Variants in CFAP74 observed in about 807,000 individuals in gnomAD.
CFAP74 encodes cilia- and flagella-associated protein 74.
Under a neutral mutation model 188.9 loss-of-function variants are expected in CFAP74, and 124 were observed. The observed-to-expected ratio is 0.66, with a 90% CI of 0.57 to 0.76. CFAP74 has a LOEUF of 0.76. Among genes scored for constraint, CFAP74 ranks in the 30% least tolerant of loss-of-function variants. The probability of loss-of-function intolerance (pLI) is 0.00; values close to 1 mark genes in which losing one functional copy is unlikely to be tolerated. For missense variants in CFAP74, 2,198 were observed against 2,165.2 expected (o/e 1.02, Z -0.30); for synonymous variants, 956 against 916.7 (o/e 1.04, Z -0.77).
At chr1:1,955,316 C>T (rs1285976166) in intron 18 of CFAP74, 5 of 1,193,594 alleles carry the variant, frequency 4.2e-6, no homozygotes, top group South Asian at 2.5e-5. Context: ...CACCTCTCCC[C>T]GCTGGTGCGC....
At chr1:1,925,738 C>T (rs1429232624) in intron 33 of CFAP74, 45 bp downstream of exon 33, 5 of 1,585,874 alleles carry the variant, frequency 3.2e-6, no homozygotes, top group Non-Finnish European at 4.3e-6. Context: ...GTGGAAACCC[C>T]TCCTGGGAGG....
intron 27 of CFAP74, 165 bp from the exon 28 acceptor site, chr1:1,927,911 C>G: frequency 1.5e-6 from 1 of 679,806 alleles, no homozygotes; most frequent in Non-Finnish European, 2.4e-6. Context: ...GTAGCCAGTG[C>G]GGAGGGGCAC....
intron 2 of CFAP74, among the ~76,000 whole-genome samples, chr1:1,990,398 G>T (rs375530465): frequency 2.0e-5 from 3 of 150,558 alleles, no homozygotes; most frequent in East Asian, 2.0e-4. Flanking sequence ...CGGGGGGCAG[G>T]GGGGAGAAGG....
At chr1:1,992,428 A>C (rs969359330) in intron 1 of CFAP74, among the ~76,000 whole-genome samples, 2 of 151,892 alleles carry the variant, frequency 1.3e-5, no homozygotes, top group African/African-American at 4.8e-5. Context: ...TCAACCTCCC[A>C]AAGTGCTGGG....
At chr1:1,964,588 G>C (rs919788834) in intron 13 of CFAP74, among the ~76,000 whole-genome samples, 4 of 152,210 alleles carry the variant, frequency 2.6e-5, no homozygotes, top group African/African-American at 9.7e-5. Context: ...TCAGGAGTTC[G>C]AGACCAGCCT....
intron 11 of CFAP74, among the ~76,000 whole-genome samples, chr1:1,967,029 G>A (rs572038254): frequency 6.6e-6 from 1 of 152,112 alleles, no homozygotes; most frequent in African/African-American, 2.4e-5. Flanking sequence ...GTAGAGATGG[G>A]GTTTCACTAT....
Position 1,974,206 on chromosome 1 carries a change from CAA to C in CFAP74, c.501-10_501-9del, listed in dbSNP as rs1656288080. On this transcript the variant is annotated splice_polypyrimidine_tract_variant and intron_variant, in intron 6 of 38. Coordinates refer to ENST00000682832, the MANE Select transcript of CFAP74 (RefSeq NM_001304360.2). ...ATGTGCCACATGGTGTTCCTTCAAA[CAA>C]GAGGCAAAGCAGCTGGAGACGGGCC... The C allele has an allele frequency of 4.4e-6, 7 of 1,584,396 alleles. No homozygotes were observed. The highest frequency in any genetic ancestry group is 6.0e-6 in the Non-Finnish European group (7 of 1,161,098).
Position 1,946,416 on chromosome 1 carries a change from G to A in CFAP74, c.2265C>T (p.Pro755=). Residue 755 remains proline (P), a synonymous_variant, in exon 20 of 39, where the codon CCC becomes CCT. Coordinates refer to ENST00000682832, the MANE Select transcript of CFAP74 (RefSeq NM_001304360.2). ...LGEVTEGEIG[P]FSSIKVPIVF... is the part of the protein sequence containing the mutation. ...CGATGGGCACCTTGATGGAGCTGAA[G>A]GGGCCAATTTCCCCTTCTGTTACCT... 3 of 1,536,848 alleles carry A rather than the reference G, an allele frequency of 2.0e-6. No individual in the cohort carries two copies. The highest frequency in any genetic ancestry group is 2.6e-6 in the Non-Finnish European group (3 of 1,146,668).
chr1:1,956,208 C>T lies in CFAP74; in HGVS notation c.2017-358G>A, dbSNP rs1654613210. ...TCTCTCCACCTGAGCCTTGGGACAC[C>T]CATACCCGTGACAGGACAAGACGCG... is the stretch of plus-strand genomic sequence containing the variant. On this transcript the variant is annotated intron_variant, in intron 17 of 38. Coordinates refer to ENST00000682832, the MANE Select transcript of CFAP74 (RefSeq NM_001304360.2). Among the ~76,000 whole-genome samples the T allele has an allele frequency of 2.6e-5, 4 of 152,334 alleles. No homozygotes were observed. In the South Asian group the frequency reaches 8.3e-4, roughly 32 times the overall value.
At chr1:1,998,513 G>A (rs556283911) in intron 1 of CFAP74, among the ~76,000 whole-genome samples, 4 of 152,208 alleles carry the variant, frequency 2.6e-5, no homozygotes, top group South Asian at 2.1e-4. Context: ...CTGGGGCTTC[G>A]TATTATCATT....
rs752610062 is a variant in CFAP74 at position 1,968,624 on chromosome 1, G to A, written c.1245+11C>T. On this transcript the variant is annotated intron_variant, in intron 11 of 38. Transcript: ENST00000682832. The surrounding 1 kb of genome is among the most constrained non-coding windows in gnomAD (Gnocchi z 4.3). ...GTGCGGCTTCTGTCTACAGGAAGGC[G>A]TTTTGCTCACCAGTGTGTACGTGTT... is the stretch of plus-strand genomic sequence containing the variant. 1.9e-6 allele frequency: 3 copies of A among 1,610,968 alleles called. No individual in the cohort carries two copies. The highest frequency in any genetic ancestry group is 1.1e-5 in the South Asian group (1 of 90,978).
In CFAP74 at chr1:1,968,016, A is replaced by G. The variant is rs781732283; in HGVS notation, c.1245+619T>C. ...AGTGAATGAGTGAGCGAATGAGTGA[A>G]TGAATGAGTGAATGAGTGAATGAAT... On this transcript the variant is annotated intron_variant, in intron 11 of 38. Coordinates refer to ENST00000682832, the MANE Select transcript of CFAP74 (RefSeq NM_001304360.2). The surrounding 1 kb of genome is among the most constrained non-coding windows in gnomAD (Gnocchi z 4.3). 1.7e-3 allele frequency among the ~76,000 whole-genome samples: 153 copies of G among 92,636 alleles called. No homozygotes were observed. The highest frequency in any genetic ancestry group is 4.3e-3 in the African/African-American group (120 of 27,966). The allele number at this position is 92,636 out of a possible 152,430, so 60.8% of individuals were successfully genotyped here. A position where few individuals can be genotyped will look rare whatever the true frequency, so the allele number is the denominator to read the frequency against.
At chr1:2,002,417 C>A (rs1346577080) in intron 1 of CFAP74, among the ~76,000 whole-genome samples, 1 of 150,972 alleles carries the variant, frequency 6.6e-6, no homozygotes, top group Admixed American at 6.6e-5. Context: ...TGGTGGCTCA[C>A]CGCCTGTAAT....
At chr1:1,946,507 A>G in intron 19 of CFAP74, 68 bp from the exon 20 acceptor site, 1 of 1,456,676 alleles carries the variant, frequency 6.9e-7, no homozygotes, top group Middle Eastern at 1.8e-4. Flanking sequence ...CCCAACCCTC[A>G]CAATGGCATG....
chr1:1,994,779 G>A (rs1313073101), intron 1 of CFAP74, among the ~76,000 whole-genome samples: 3 of 152,152 alleles, frequency 2.0e-5, no homozygotes, highest in African/African-American at 4.8e-5. Flanking sequence ...GGTTAAAGAC[G>A]GCACTTCCAA....
At chr1:1,948,212 C>T (rs975660401) in intron 18 of CFAP74, among the ~76,000 whole-genome samples, 24 of 152,166 alleles carry the variant, frequency 1.6e-4, no homozygotes, top group South Asian at 8.3e-4. Flanking sequence ...GCGGCTGCCT[C>T]AGGAGTCACC....
At chr1:1,938,037 C>T (rs1558000948) in intron 25 of CFAP74, among the ~76,000 whole-genome samples, 1 of 126,814 alleles carries the variant, frequency 7.9e-6, no homozygotes, top group Non-Finnish European at 1.7e-5. Flanking sequence ...CACATGCTCA[C>T]ACATACATGC....
chr1:1,971,001 CACACCT>C (rs1178143908), intron 9 of CFAP74, among the ~76,000 whole-genome samples, 185 bp from the exon 10 acceptor site: 2 of 150,768 alleles, frequency 1.3e-5, no homozygotes, highest in Non-Finnish European at 3.0e-5. Context: ...CACACACACG[CACACCT>C]GCACATGCAC....
chr1:1,974,186 C>T lies in CFAP74; in HGVS notation c.513G>A (p.Trp171Ter). The T allele has an allele frequency of 6.2e-7, 1 of 1,600,310 alleles. No homozygotes were observed. The highest frequency in any genetic ancestry group is 8.5e-7 in the Non-Finnish European group (1 of 1,171,246). The change falls in exon 7 of 39, where the codon TGG becomes TGA. Residue 171 changes from tryptophan (W) to a stop codon, truncating the protein, a stop_gained. Coordinates refer to ENST00000682832, the MANE Select transcript of CFAP74 (RefSeq NM_001304360.2). LOFTEE classifies it high-confidence loss of function. Reference sequence around the variant, plus strand: ...GTCGCCCCTCCTGGATCTCGATGTGCCACATGGTGTTCCTTCAAACAAGAG... The same window carrying T: ...GTCGCCCCTCCTGGATCTCGATGTGTCACATGGTGTTCCTTCAAACAAGAG... The part of the protein sequence containing the change: ...AVLKESENTM[W>*]HIEIQEGRLE...
Sources: gnomAD v4.1 joint callset for allele counts (sites outside exome capture counted in the v4.1 genomes callset) on GRCh38, gnomAD v4.1.1 for gene constraint, Gnocchi (gnomAD v3.1) non-coding constraint, MANE v1.5 for transcripts, NCBI Gene and HGNC (gene_info 2026-07-23, HGNC 2026-07-21) for gene names.